KIDINS220: variants seen among roughly 807,000 people sequenced by gnomAD.
The protein encoded by KIDINS220 is kinase D interacting substrate 220.
KIDINS220 carries 63 observed loss-of-function variants against 157.6 expected under a neutral mutation model. The ratio of observed to expected loss-of-function variants is 0.40; its 90% confidence interval spans 0.33 to 0.49. The LOEUF is 0.49. Ranked by LOEUF, KIDINS220 falls within the 20% of genes least tolerant of loss-of-function variation. The pLI is 0.66. For synonymous variants in KIDINS220, 732 were observed against 783.6 expected, an observed-to-expected ratio of 0.93 and a Z score of 1.10; for missense variants, 1,772 against 2,171.2, an observed-to-expected ratio of 0.82 and a Z score of 3.65.
chr2:8,777,453 C>T (rs1273567346), intron 20 of KIDINS220, among the ~76,000 whole-genome samples: 1 of 152,232 alleles, frequency 6.6e-6, no homozygotes, highest in East Asian at 1.9e-4. Flanking sequence ...CATGCACCAC[C>T]ACATCCAGCT....
Position 8,786,231 on chromosome 2 carries a change from T to C in KIDINS220, c.1914A>G (p.Arg638=). 1 of 1,614,136 alleles carries C rather than the reference T, an allele frequency of 6.2e-7. No homozygotes were observed. The highest frequency in any genetic ancestry group is 1.1e-5 in the South Asian group (1 of 91,084). ...CCTGAGTATCTTCAGTCTTGAATAC[T>C]CGAAAAAGCCTGGTTGCCAAAAAGC... is the stretch of plus-strand genomic sequence containing the variant. The part of the protein sequence containing the change: ...EFGFLATRLF[R]VFKTEDTQGK... Residue 638 remains arginine, a synonymous_variant, in exon 16 of 30, where the codon CGA becomes CGG. Transcript: ENST00000256707.
intron 18 of KIDINS220, 23 bp from the exon 19 acceptor site, chr2:8,779,162 T>C: frequency 8.7e-6 from 14 of 1,606,992 alleles, no homozygotes; most frequent in Non-Finnish European, 1.2e-5. Flanking sequence ...AAATGTACAG[T>C]TGTGACATAC....
chr2:8,774,680 C>G (rs1670724204), intron 21 of KIDINS220, among the ~76,000 whole-genome samples: 1 of 152,054 alleles, frequency 6.6e-6, no homozygotes, highest in African/African-American at 2.4e-5. Flanking sequence ...CAAGGAACAG[C>G]AAAGAAGTCA....
chr2:8,758,642 TGTTAG>T (rs1668355049), intron 22 of KIDINS220, among the ~76,000 whole-genome samples: 1 of 152,068 alleles, frequency 6.6e-6, no homozygotes, highest in Admixed American at 6.6e-5. Flanking sequence ...CTCCTCGAGG[TGTTAG>T]GTTAGGGTGT....
intron 28 of KIDINS220, among the ~76,000 whole-genome samples, chr2:8,734,224 G>A (rs1049933769): frequency 2.0e-5 from 3 of 152,094 alleles, no homozygotes; most frequent in Non-Finnish European, 2.9e-5. Flanking sequence ...GGGGGTGGGG[G>A]GGTTAGTGAG....
intron 1 of KIDINS220, among the ~76,000 whole-genome samples, chr2:8,830,533 C>T (rs372311792): frequency 6.6e-6 from 1 of 152,216 alleles, no homozygotes; most frequent in Non-Finnish European, 1.5e-5. Context: ...ATCCTCCCAC[C>T]TCAGCCTCCT....
chr2:8,800,311 T>C (rs1189858510), intron 9 of KIDINS220, 89 bp downstream of exon 9: 1 of 757,982 alleles, frequency 1.3e-6, no homozygotes, highest in South Asian at 2.4e-5. Context: ...TTTATCTCCA[T>C]AGGAAAGTGG....
chr2:8,726,983 T>G (rs1157467333), downstream of KIDINS220: 2 of 1,235,798 alleles, frequency 1.6e-6, no homozygotes, highest in East Asian at 1.1e-4. Context: ...AGATTGTAAA[T>G]TCTCTATTTA....
rs1558328141 is a variant in KIDINS220 at position 8,744,386 on chromosome 2, AAAATATATATATAT to A, written c.3585+2745_3585+2758del. 3.0e-4 allele frequency among the ~76,000 whole-genome samples: 8 copies of A among 26,862 alleles called. 1 individual carries two copies. The highest frequency in any genetic ancestry group is 4.5e-3 in the South Asian group (2 of 448). 17.6% of individuals were successfully genotyped at this position (26,862 alleles called of 152,430 possible). A position where few individuals can be genotyped will look rare whatever the true frequency, so the allele number is the denominator to read the frequency against. On this transcript the variant is annotated intron_variant, in intron 26 of 29. Transcript: ENST00000256707. ...GGCAAAAAAAAAAAAAAAAAAAAAA[AAAATATATATATAT>A]AATATATATATATATATATATATAT...
chr2:8,762,258 C>T (rs1668839896), intron 22 of KIDINS220, among the ~76,000 whole-genome samples: 1 of 152,104 alleles, frequency 6.6e-6, no homozygotes, highest in Non-Finnish European at 1.5e-5. Context: ...TTTAAGATAA[C>T]TCGTACAATA....
chr2:8,782,706 C>T (rs534888766), intron 17 of KIDINS220, among the ~76,000 whole-genome samples: 16 of 152,262 alleles, frequency 1.1e-4, no homozygotes, highest in East Asian at 3.9e-4. Flanking sequence ...CCAAAGCAGA[C>T]GAAGTCTTGA....
intron 18 of KIDINS220, 88 bp downstream of exon 18, chr2:8,779,586 C>T (rs1011897937): frequency 8.6e-6 from 12 of 1,392,114 alleles, no homozygotes; most frequent in Middle Eastern, 1.9e-4. Flanking sequence ...AAACCAATTC[C>T]GTTCTATTTT....
chr2:8,806,481 G>A, intron 6 of KIDINS220, 112 bp from the exon 7 acceptor site: 1 of 630,760 alleles, frequency 1.6e-6, no homozygotes, highest in East Asian at 3.0e-5. Flanking sequence ...TCATAAAACT[G>A]TATACATTTA....
At chr2:8,811,283 G>A (rs1676270966) in intron 6 of KIDINS220, among the ~76,000 whole-genome samples, 1 of 141,594 alleles carries the variant, frequency 7.1e-6, no homozygotes, top group African/African-American at 2.5e-5. Flanking sequence ...AAATAATGGA[G>A]GTACAAAATG....
intron 23 of KIDINS220, among the ~76,000 whole-genome samples, chr2:8,750,938 G>C (rs1359028760): frequency 6.6e-6 from 1 of 152,216 alleles, no homozygotes; most frequent in Non-Finnish European, 1.5e-5. Context: ...TTATGTGTGT[G>C]CACGTGCACA....
chr2:8,746,518 A>T (rs1422906812), intron 26 of KIDINS220: 2 of 150,844 alleles, frequency 1.3e-5, no homozygotes, highest in Admixed American at 6.6e-5. Context: ...GTGTTGGCAA[A>T]AAATAAATAA....
chr2:8,811,025 T>G (rs1208341268), intron 6 of KIDINS220, among the ~76,000 whole-genome samples: 1 of 152,194 alleles, frequency 6.6e-6, no homozygotes, highest in East Asian at 1.9e-4. Flanking sequence ...CTGTACTACT[T>G]GATGATTTTT....
chr2:8,827,294 C>T (rs1341707347), intron 1 of KIDINS220, among the ~76,000 whole-genome samples, 165 bp from the exon 2 acceptor site: 2 of 152,114 alleles, frequency 1.3e-5, no homozygotes, highest in Admixed American at 6.5e-5. Context: ...AAAAAGCTGC[C>T]GTGATGTCTC....
chr2:8,772,843 A>G (rs1180194674), intron 21 of KIDINS220, among the ~76,000 whole-genome samples: 1 of 151,810 alleles, frequency 6.6e-6, no homozygotes, highest in Non-Finnish European at 1.5e-5. Flanking sequence ...AACTATTTGC[A>G]TGGTGTTGGG....
Sources: allele counts gnomAD v4.1 joint callset (sites outside exome capture counted in the v4.1 genomes callset), GRCh38; gene constraint gnomAD v4.1.1; transcripts MANE v1.5; gene names NCBI Gene and HGNC (gene_info 2026-07-23, HGNC 2026-07-21).